The following TRHDE variants were observed in gnomAD, a reference collection of about 807,000 sequenced individuals.
TRHDE encodes thyrotropin-releasing hormone-degrading ectoenzyme.
Under a neutral mutation model 125.7 loss-of-function variants are expected in TRHDE, and 72 were observed. That is an observed-to-expected ratio of 0.57 (90% confidence interval 0.47 to 0.70). TRHDE has a LOEUF of 0.70. Among genes scored for constraint, TRHDE ranks in the 30% least tolerant of loss-of-function variants. The pLI is 0.00. For missense variants in TRHDE, 1,110 were observed against 1,327.1 expected (o/e 0.84, Z 2.54); for synonymous variants, 509 against 509.1 (o/e 1.00, Z 0.00).
intron 13 of TRHDE, among the ~76,000 whole-genome samples, chr12:72,619,634 C>T (rs1488137030): frequency 2.6e-5 from 4 of 152,150 alleles, no homozygotes; most frequent in Non-Finnish European, 5.9e-5. Flanking sequence ...ACCAAAATTA[C>T]ACTGCTCATG....
chr12:72,126,330 C>T (rs565337976), intron 2 of TRHDE, among the ~76,000 whole-genome samples: 12 of 152,206 alleles, frequency 7.9e-5, no homozygotes, highest in African/African-American at 2.9e-4. Flanking sequence ...CTACAAATGC[C>T]ATTCTTCACA....
At chr12:72,515,914 CTTGT>C (rs995018949) in intron 6 of TRHDE, among the ~76,000 whole-genome samples, 2 of 139,082 alleles carry the variant, frequency 1.4e-5, no homozygotes, top group Non-Finnish European at 3.0e-5. Flanking sequence ...TTCCCCATTG[CTTGT>C]TTTTCTCAGG....
chr12:72,350,159 C>G (rs968098961), intron 2 of TRHDE, among the ~76,000 whole-genome samples: 4 of 151,952 alleles, frequency 2.6e-5, no homozygotes, highest in African/African-American at 9.7e-5. Flanking sequence ...TATATTCTTG[C>G]TGAACTTACT....
chr12:72,435,351 G>A (rs771948429), intron 3 of TRHDE, among the ~76,000 whole-genome samples: 1 of 152,130 alleles, frequency 6.6e-6, no homozygotes, highest in Non-Finnish European at 1.5e-5. Flanking sequence ...AGGGACTGAT[G>A]TCTTTTGATG....
At chr12:72,514,018 C>T (rs1009561410) in intron 6 of TRHDE, among the ~76,000 whole-genome samples, 4 of 152,142 alleles carry the variant, frequency 2.6e-5, no homozygotes, top group East Asian at 1.9e-4. Context: ...TGACTGGCAT[C>T]GGATCTCAGA....
At chr12:72,595,173 T>G in intron 12 of TRHDE, among the ~76,000 whole-genome samples, 1 of 147,080 alleles carries the variant, frequency 6.8e-6, no homozygotes, top group African/African-American at 2.5e-5. Context: ...AAATGATGAG[T>G]TAATGGGTGC....
chr12:72,641,858 T>C (rs1257392505), intron 15 of TRHDE, among the ~76,000 whole-genome samples: 4 of 152,214 alleles, frequency 2.6e-5, no homozygotes, highest in Admixed American at 6.5e-5. Context: ...ACAGTTTTTA[T>C]GAATGAACAA....
chr12:72,457,965 C>T (rs562880490), intron 3 of TRHDE, among the ~76,000 whole-genome samples: 1 of 152,022 alleles, frequency 6.6e-6, no homozygotes, highest in African/African-American at 2.4e-5. Context: ...CTATTCAAAC[C>T]GCTAAATTGA....
At chr12:72,661,168 T>C (rs1251733459) in intron 18 of TRHDE, among the ~76,000 whole-genome samples, 1 of 152,216 alleles carries the variant, frequency 6.6e-6, no homozygotes. Context: ...GTTCACATTT[T>C]CTGTTGAGAG....
intron 3 of TRHDE, among the ~76,000 whole-genome samples, chr12:72,420,256 C>T (rs1873896858): frequency 6.6e-6 from 1 of 152,102 alleles, no homozygotes; most frequent in Admixed American, 6.6e-5. Context: ...CTAGGCAGTC[C>T]AGCCCTAATT....
intron 5 of TRHDE, among the ~76,000 whole-genome samples, chr12:72,474,754 A>G (rs904741589): frequency 1.3e-5 from 2 of 150,914 alleles, no homozygotes; most frequent in African/African-American, 2.4e-5. Flanking sequence ...CTTGTCTGTT[A>G]TTGTTCCAAG....
chr12:72,238,302 A>G lies in TRHDE; in HGVS notation n.279+132550A>G, dbSNP rs1346028114. Among the ~76,000 whole-genome samples the G allele has an allele frequency of 3.6e-4, 13 of 36,232 alleles. No individual in the cohort carries two copies. In the East Asian group the frequency reaches 8.6e-3, roughly 24 times the overall value. The allele number at this position is 36,232 out of a possible 152,430, so 23.8% of individuals were successfully genotyped here. ...TATATATATATATATATATATATAT[A>G]TATATATATATATATATATACATAT... On this transcript the variant is annotated intron_variant and non_coding_transcript_variant, in intron 2 of 4. Transcript: ENST00000548156.
At chr12:72,632,973 A>ATATT (rs1873562078) in intron 15 of TRHDE, among the ~76,000 whole-genome samples, 2 of 151,982 alleles carry the variant, frequency 1.3e-5, no homozygotes, top group Admixed American at 1.3e-4. Flanking sequence ...TTTGGCAATT[A>ATATT]TATTTTATAA....
At chr12:72,650,461 C>CT (rs994513813) in intron 15 of TRHDE, among the ~76,000 whole-genome samples, 3 of 151,970 alleles carry the variant, frequency 2.0e-5, no homozygotes, top group African/African-American at 4.8e-5. Flanking sequence ...TATTCTGTTA[C>CT]TTTTTTTTCT....
At chr12:72,233,503 CAG>C (rs1371563471) in intron 2 of TRHDE, among the ~76,000 whole-genome samples, 2 of 152,032 alleles carry the variant, frequency 1.3e-5, no homozygotes, top group Admixed American at 1.3e-4. Flanking sequence ...AGGTAAAACA[CAG>C]AAGCATTAAA....
intron 2 of TRHDE, among the ~76,000 whole-genome samples, chr12:72,208,904 T>A (rs1378736847): frequency 6.6e-6 from 1 of 152,130 alleles, no homozygotes; most frequent in Non-Finnish European, 1.5e-5. Context: ...ATCCCACTCT[T>A]CTTAGAGTCT....
intron 3 of TRHDE, among the ~76,000 whole-genome samples, chr12:72,418,403 T>G (rs1873816959): frequency 6.6e-6 from 1 of 152,122 alleles, no homozygotes. Flanking sequence ...ACAAGAGAAG[T>G]GTAATCTGCT....
chr12:72,426,908 A>C (rs1012491047), intron 3 of TRHDE, among the ~76,000 whole-genome samples: 7 of 152,102 alleles, frequency 4.6e-5, no homozygotes, highest in Non-Finnish European at 8.8e-5. Context: ...TCTCCATGAA[A>C]AGAAAATTCA....
intron 6 of TRHDE, among the ~76,000 whole-genome samples, chr12:72,532,501 C>A (rs1411558259): frequency 6.6e-6 from 1 of 151,066 alleles, no homozygotes; most frequent in Admixed American, 6.6e-5. Context: ...AAGAAGAATG[C>A]ATCTCATGTT....
Sources: allele counts gnomAD v4.1 joint callset (sites outside exome capture counted in the v4.1 genomes callset), GRCh38; gene constraint gnomAD v4.1.1; transcripts MANE v1.5; gene names NCBI Gene and HGNC (gene_info 2026-07-23, HGNC 2026-07-21).